The following RBFOX1 variants were observed in gnomAD, a reference collection of about 807,000 sequenced individuals.
The protein encoded by RBFOX1 is RNA binding fox-1 homolog 1.
In RBFOX1, 8 loss-of-function variants were observed where a neutral mutation model predicts 57.7. That is an observed-to-expected ratio of 0.14 (90% CI 0.08 to 0.25). The LOEUF is 0.25. RBFOX1 is among the 10% of genes least tolerant of loss of function. RBFOX1 has a pLI of 1.00. For missense variants in RBFOX1, 611 were observed against 548.5 expected, an observed-to-expected ratio of 1.11 and a Z score of -1.14; for synonymous variants, 326 against 222.4, an observed-to-expected ratio of 1.47 and a Z score of -4.15.
At chr16:7,575,369 A>C (rs1006658638) in intron 5 of RBFOX1, among the ~76,000 whole-genome samples, 1 of 152,038 alleles carries the variant, frequency 6.6e-6, no homozygotes, top group African/African-American at 2.4e-5. Context: ...TCCTTACCTC[A>C]TGATCTGCCC....
intron 4 of RBFOX1, among the ~76,000 whole-genome samples, chr16:5,949,646 G>T (rs1377592143): frequency 1.3e-5 from 2 of 151,588 alleles, no homozygotes; most frequent in Non-Finnish European, 2.9e-5. Flanking sequence ...TTTTCTTGTT[G>T]GTCTTTTACA....
rs186894142 is a variant in RBFOX1 at position 5,872,382 on chromosome 16, T to C, written c.351+5047T>C. 2.1e-3 allele frequency among the ~76,000 whole-genome samples: 326 copies of C among 152,252 alleles called. 1 individual carries two copies. Among genetic ancestry groups the C allele is most frequent in the African/African-American group, 7.4e-3 (307 of 41,554 alleles). ...CTAAGCAAGTCTTTTCTCCACAAAA[T>C]GGGAATGGTGAAATAAAGTACAAGG... On this transcript the variant is annotated intron_variant, in intron 4 of 19. Transcript: ENST00000641259.
chr16:6,985,182 G>C (rs1013179343), intron 3 of RBFOX1, among the ~76,000 whole-genome samples: 14 of 136,766 alleles, frequency 1.0e-4, no homozygotes, highest in African/African-American at 3.8e-4. Flanking sequence ...GGTTTAAAAT[G>C]TGATCACATT....
At chr16:6,574,132 A>T (rs1204666868) in intron 2 of RBFOX1, among the ~76,000 whole-genome samples, 1 of 152,072 alleles carries the variant, frequency 6.6e-6, no homozygotes, top group Non-Finnish European at 1.5e-5. Flanking sequence ...ACTCAAGGAG[A>T]TGTGGGTTTC....
intron 1 of RBFOX1, among the ~76,000 whole-genome samples, chr16:6,212,045 A>G (rs967033919): frequency 6.6e-6 from 1 of 151,816 alleles, no homozygotes; most frequent in African/African-American, 2.4e-5. Flanking sequence ...TTTAGTAGAG[A>G]TGGAGTTTTG....
intron 4 of RBFOX1, among the ~76,000 whole-genome samples, chr16:7,426,889 C>G (rs1442050208): frequency 6.6e-6 from 1 of 152,130 alleles, no homozygotes; most frequent in East Asian, 1.9e-4. Flanking sequence ...CTTGTTAAAA[C>G]CTCTGAGTCT....
At chr16:7,327,141 A>G (rs1470990491) in intron 4 of RBFOX1, among the ~76,000 whole-genome samples, 1 of 152,202 alleles carries the variant, frequency 6.6e-6, no homozygotes, top group African/African-American at 2.4e-5. Flanking sequence ...TGGCAGGGAC[A>G]ACTTTGCAGA....
chr16:7,076,790 G>A (rs2058376956), intron 4 of RBFOX1, among the ~76,000 whole-genome samples: 1 of 152,124 alleles, frequency 6.6e-6, no homozygotes, highest in African/African-American at 2.4e-5. Context: ...CCAATGTCAT[G>A]GTTTATATGC....
intron 4 of RBFOX1, among the ~76,000 whole-genome samples, chr16:7,153,640 C>T (rs1046526658): frequency 1.3e-5 from 2 of 149,180 alleles, no homozygotes; most frequent in African/African-American, 5.0e-5. Context: ...ATTCCAGCTA[C>T]TTGGGAGGCT....
At chr16:6,881,951 A>T (rs1019506059) in intron 3 of RBFOX1, among the ~76,000 whole-genome samples, 1 of 152,184 alleles carries the variant, frequency 6.6e-6, no homozygotes, top group African/African-American at 2.4e-5. Flanking sequence ...ATAGTGTAAA[A>T]AGAAGGGAAC....
chr16:5,340,202 CTTT>C (rs2065003317), intron 1 of RBFOX1, among the ~76,000 whole-genome samples: 1 of 152,066 alleles, frequency 6.6e-6, no homozygotes, highest in African/African-American at 2.4e-5. Context: ...ACATCTGGGG[CTTT>C]TATTCTTGTT....
intron 4 of RBFOX1, among the ~76,000 whole-genome samples, chr16:7,400,381 A>T (rs1210523732): frequency 6.6e-6 from 1 of 152,184 alleles, no homozygotes. Flanking sequence ...ACCTCAGCAC[A>T]GGGGCTAGCA....
intron 3 of RBFOX1, among the ~76,000 whole-genome samples, chr16:6,901,293 T>TCC (rs2068426575): frequency 6.6e-6 from 1 of 152,202 alleles, no homozygotes; most frequent in African/African-American, 2.4e-5. Context: ...CCCATCCCTC[T>TCC]CCGTGGGCTC....
At chr16:7,507,556 TC>T (rs1165605360) in intron 4 of RBFOX1, among the ~76,000 whole-genome samples, 2 of 84,548 alleles carry the variant, frequency 2.4e-5, no homozygotes, top group Non-Finnish European at 7.2e-5. Context: ...ATTTTTTTTT[TC>T]TTTCTTTCTT....
At chr16:5,676,742 A>C (rs111607174) in intron 3 of RBFOX1, among the ~76,000 whole-genome samples, 1 of 152,152 alleles carries the variant, frequency 6.6e-6, no homozygotes, top group Non-Finnish European at 1.5e-5. Context: ...CATGCCTGCA[A>C]TTCCACCTAC....
At chr16:5,728,592 A>C (rs1237305698) in intron 3 of RBFOX1, among the ~76,000 whole-genome samples, 2 of 151,962 alleles carry the variant, frequency 1.3e-5, no homozygotes, top group Non-Finnish European at 2.9e-5. Context: ...CTCTGATGCC[A>C]TTTATCTTCT....
intron 4 of RBFOX1, among the ~76,000 whole-genome samples, chr16:5,969,115 A>G (rs1244963903): frequency 6.6e-6 from 1 of 151,512 alleles, no homozygotes; most frequent in Non-Finnish European, 1.5e-5. Context: ...ATTGTTTTCC[A>G]TTTCTTGTAT....
At chr16:6,913,983 A>C (rs765348101) in intron 3 of RBFOX1, among the ~76,000 whole-genome samples, 1 of 152,206 alleles carries the variant, frequency 6.6e-6, no homozygotes, top group African/African-American at 2.4e-5. Flanking sequence ...TCATGTATAC[A>C]TTGCACTTGA....
chr16:7,396,871 A>T (rs2098147679), intron 4 of RBFOX1, among the ~76,000 whole-genome samples: 1 of 152,128 alleles, frequency 6.6e-6, no homozygotes. Context: ...AACCCAGGAG[A>T]CAGAGGTTGC....
Sources: allele counts gnomAD v4.1 joint callset (sites outside exome capture counted in the v4.1 genomes callset), GRCh38; gene constraint gnomAD v4.1.1; transcripts MANE v1.5; gene names NCBI Gene and HGNC (gene_info 2026-07-23, HGNC 2026-07-21).